SUGCT: variants seen among roughly 807,000 people sequenced by gnomAD.
The protein encoded by SUGCT is succinyl-CoA:glutarate CoA-transferase.
A neutral mutation model predicts 55.0 loss-of-function variants in SUGCT; 41 were observed. The ratio of observed to expected loss-of-function variants is 0.74; its 90% CI spans 0.58 to 0.97. The LOEUF is 0.97. SUGCT is among the 50% of genes least tolerant of loss of function. The probability of loss-of-function intolerance (pLI) is 0.00; values close to 1 mark genes in which losing one functional copy is unlikely to be tolerated. For synonymous variants in SUGCT, 187 were observed against 200.4 expected (o/e 0.93, Z 0.56); for missense variants, 568 against 547.8 (o/e 1.04, Z -0.37).
At chr7:40,135,145 T>C in intron 1 of SUGCT, 25 bp downstream of exon 1, 2 of 1,526,880 alleles carry the variant, frequency 1.3e-6, no homozygotes, top group South Asian at 2.4e-5. Flanking sequence ...TCGGTCTGGG[T>C]GGCTAAAGGG....
intron 9 of SUGCT, among the ~76,000 whole-genome samples, chr7:40,364,943 G>C (rs965288768): frequency 1.3e-5 from 2 of 151,942 alleles, no homozygotes; most frequent in African/African-American, 2.4e-5. Context: ...ACCAAAGCCG[G>C]GCAGAGACAC....
chr7:40,787,801 G>A (rs988866161), intron 13 of SUGCT, among the ~76,000 whole-genome samples: 1 of 151,688 alleles, frequency 6.6e-6, no homozygotes, highest in African/African-American at 2.4e-5. Flanking sequence ...AGGAAAAAAC[G>A]GCAGCCCCAC....
chr7:40,452,791 T>G (rs1789261092), intron 10 of SUGCT, among the ~76,000 whole-genome samples: 1 of 152,130 alleles, frequency 6.6e-6, no homozygotes, highest in Non-Finnish European at 1.5e-5. Flanking sequence ...ATATGAAGAT[T>G]CTGGTTCTGA....
At chr7:40,285,491 T>G (rs1307162730) in intron 8 of SUGCT, among the ~76,000 whole-genome samples, 1 of 146,500 alleles carries the variant, frequency 6.8e-6, no homozygotes, top group Non-Finnish European at 1.5e-5. Context: ...TTTTCTTTTT[T>G]CGGGGGGGGG....
chr7:40,185,240 T>C (rs1785435567), intron 3 of SUGCT, among the ~76,000 whole-genome samples: 1 of 152,250 alleles, frequency 6.6e-6, no homozygotes, highest in Non-Finnish European at 1.5e-5. Flanking sequence ...ATTTCAACAC[T>C]GCAGCACTAC....
chr7:40,501,462 G>A (rs1338143796), intron 12 of SUGCT, among the ~76,000 whole-genome samples: 4 of 152,030 alleles, frequency 2.6e-5, no homozygotes, highest in Non-Finnish European at 4.4e-5. Context: ...TTAAAATGTC[G>A]AATAAGAATC....
chr7:40,744,741 G>T (rs1787643800), intron 12 of SUGCT, among the ~76,000 whole-genome samples: 1 of 152,184 alleles, frequency 6.6e-6, no homozygotes. Flanking sequence ...GACCCTTAAG[G>T]AGTTTTGCTG....
chr7:40,184,389 C>T (rs866459086), intron 3 of SUGCT, among the ~76,000 whole-genome samples: 2 of 152,226 alleles, frequency 1.3e-5, no homozygotes, highest in Middle Eastern at 6.8e-3. Flanking sequence ...AAGCAATCCT[C>T]CTACCTTAGC....
At chr7:40,613,341 C>G (rs1798851106) in intron 12 of SUGCT, among the ~76,000 whole-genome samples, 1 of 152,136 alleles carries the variant, frequency 6.6e-6, no homozygotes, top group Non-Finnish European at 1.5e-5. Flanking sequence ...TGCATGGCCA[C>G]ATTTGTTTCG....
intron 8 of SUGCT, among the ~76,000 whole-genome samples, chr7:40,298,101 T>A (rs1475398201): frequency 6.6e-6 from 1 of 151,826 alleles, no homozygotes; most frequent in Non-Finnish European, 1.5e-5. Context: ...TGAAGTTAGC[T>A]ACAAGCCATG....
chr7:40,477,767 A>G (rs1790786064), intron 11 of SUGCT, among the ~76,000 whole-genome samples: 1 of 152,210 alleles, frequency 6.6e-6, no homozygotes, highest in African/African-American at 2.4e-5. Context: ...GTTTCAAAAC[A>G]GAAAAATCAA....
chr7:40,747,852 A>G (rs1787810030), intron 12 of SUGCT, among the ~76,000 whole-genome samples: 1 of 152,134 alleles, frequency 6.6e-6, no homozygotes, highest in African/African-American at 2.4e-5. Flanking sequence ...GCCTCCAATA[A>G]TTCAACACTT....
At chr7:40,535,762 C>G (rs1037259419) in intron 12 of SUGCT, among the ~76,000 whole-genome samples, 1 of 152,178 alleles carries the variant, frequency 6.6e-6, no homozygotes, top group Non-Finnish European at 1.5e-5. Context: ...GCCTCGAACT[C>G]CTGACCTCAG....
intron 10 of SUGCT, among the ~76,000 whole-genome samples, chr7:40,457,996 C>T (rs575529440): frequency 2.0e-5 from 3 of 152,052 alleles, no homozygotes; most frequent in South Asian, 4.2e-4. Flanking sequence ...TTTTAAAATC[C>T]GGGAGAATAA....
rs538481089 is a variant in SUGCT at position 40,474,638 on chromosome 7, T to C, written c.986+15440T>C. Among the ~76,000 whole-genome samples the C allele has an allele frequency of 2.4e-4, 36 of 152,262 alleles. No individual in the cohort carries two copies. In the East Asian group the frequency reaches 5.8e-3, roughly 24 times the overall value. On this transcript the variant is annotated intron_variant, in intron 11 of 13. Transcript: ENST00000335693. The stretch of plus-strand genomic sequence containing the variant: ...AATAGACAACCCAGACCAGCTCAGG[T>C]TGGTCAGGGGATGTGGGATGGGGCA...
At chr7:40,448,257 C>T (rs1489893222) in intron 9 of SUGCT, among the ~76,000 whole-genome samples, 1 of 127,214 alleles carries the variant, frequency 7.9e-6, no homozygotes, top group Non-Finnish European at 1.6e-5. Flanking sequence ...TTCCTTCCTT[C>T]CTTCCTTCTC....
At chr7:40,876,824 A>C in the SUGCT span, among the ~76,000 whole-genome samples, 4 of 152,272 alleles carry the variant, frequency 2.6e-5, no homozygotes, top group Admixed American at 2.0e-4. Context: ...GCTTAGAGCC[A>C]CAGGTTCCTG....
intron 12 of SUGCT, among the ~76,000 whole-genome samples, chr7:40,721,072 A>T (rs1016228600): frequency 6.6e-6 from 1 of 152,232 alleles, no homozygotes; most frequent in Non-Finnish European, 1.5e-5. Context: ...TGACCTGTTC[A>T]TGCAAAAGCC....
At chr7:40,740,153 A>T (rs895622451) in intron 12 of SUGCT, among the ~76,000 whole-genome samples, 1 of 151,944 alleles carries the variant, frequency 6.6e-6, no homozygotes, top group Non-Finnish European at 1.5e-5. Flanking sequence ...TAAGTATTTC[A>T]TTTTATTTTT....
Sources: allele counts gnomAD v4.1 joint callset (sites outside exome capture counted in the v4.1 genomes callset), GRCh38; gene constraint gnomAD v4.1.1; transcripts MANE v1.5; gene names NCBI Gene and HGNC (gene_info 2026-07-23, HGNC 2026-07-21).